Variants in CSMD3 observed in about 807,000 individuals in gnomAD.
CSMD3 encodes the protein CUB and Sushi multiple domains 3, also known as CUB and sushi domain-containing protein 3.
In CSMD3, 177 loss-of-function variants were observed where a neutral mutation model predicts 435.2. That is an observed-to-expected ratio of 0.41 (90% CI 0.36 to 0.46). The LOEUF is 0.46. CSMD3 is among the 20% of genes least tolerant of loss of function. The probability of loss-of-function intolerance (pLI) is 0.34; values close to 1 mark genes in which losing one functional copy is unlikely to be tolerated. For missense variants in CSMD3, 4,265 were observed against 4,504.6 expected, an observed-to-expected ratio of 0.95 and a Z score of 1.52; for synonymous variants, 1,656 against 1,520.5, an observed-to-expected ratio of 1.09 and a Z score of -2.07.
intron 31 of CSMD3, among the ~76,000 whole-genome samples, chr8:112,483,977 T>G (rs1474159422): frequency 1.3e-5 from 2 of 152,196 alleles, no homozygotes; most frequent in Non-Finnish European, 2.9e-5. Flanking sequence ...TTGAGGTCAC[T>G]GCCTGGCTGT....
intron 3 of CSMD3, among the ~76,000 whole-genome samples, chr8:113,179,195 TTGA>T (rs1345146813): frequency 1.3e-5 from 2 of 151,676 alleles, no homozygotes; most frequent in Non-Finnish European, 2.9e-5. Context: ...TATAAGACTG[TTGA>T]TATTATTACA....
Position 112,556,770 on chromosome 8 carries a change from G to A in CSMD3, c.4227C>T (p.Ser1409=), listed in dbSNP as rs1828156388. 1 of 1,608,166 alleles carries A rather than the reference G, an allele frequency of 6.2e-7. No individual in the cohort carries two copies. The highest frequency in any genetic ancestry group is 8.5e-7 in the Non-Finnish European group (1 of 1,175,124). The change falls in exon 25 of 71, where the codon TCC becomes TCT. Residue 1409 remains serine, a synonymous_variant. Coordinates refer to ENST00000297405, the MANE Select transcript of CSMD3 (RefSeq NM_198123.2). ...TCTATGACAGTATCCTACCAATACA[G>A]GAAGGCAGAGGATAGTCCCATGCCC... ...ERRAWDYPLP[S]CIAECGGRFK...
chr8:112,547,924 G>A (rs920140960), intron 27 of CSMD3, among the ~76,000 whole-genome samples: 3 of 152,042 alleles, frequency 2.0e-5, no homozygotes, highest in Non-Finnish European at 2.9e-5. Flanking sequence ...ATGAATTAGC[G>A]GATGAACATA....
chr8:112,697,218 C>T (rs112950989), intron 13 of CSMD3, among the ~76,000 whole-genome samples: 3,216 of 151,906 alleles, frequency 0.021, 74 homozygotes, highest in African/African-American at 0.073. Context: ...CCAGCCATCC[C>T]ATTACTGGGT....
intron 5 of CSMD3, among the ~76,000 whole-genome samples, chr8:113,084,012 G>T (rs901480079): frequency 6.6e-6 from 1 of 152,028 alleles, no homozygotes; most frequent in Non-Finnish European, 1.5e-5. Context: ...AAAATAAAAT[G>T]ATATAGACTG....
In CSMD3 at chr8:112,908,868, C is replaced by A. The variant is rs1015105754; in HGVS notation, c.1633+12759G>T. On this transcript the variant is annotated intron_variant, in intron 10 of 70. Coordinates refer to ENST00000297405, the MANE Select transcript of CSMD3 (RefSeq NM_198123.2). ...ACTCTTAAACAGGCAGGAAAAATAA[C>A]CTGTGTCCTCCTTGCATAATTTAGA... Among the ~76,000 whole-genome samples the A allele has an allele frequency of 4.6e-5, 7 of 151,360 alleles. No homozygotes were observed. The South Asian group carries it at 6.2e-4, about 13-fold the overall frequency.
intron 17 of CSMD3, among the ~76,000 whole-genome samples, chr8:112,661,325 T>C: frequency 6.6e-6 from 1 of 152,118 alleles, no homozygotes; most frequent in Middle Eastern, 3.2e-3. Flanking sequence ...GTGAATTCAT[T>C]TGGAGAATTC....
chr8:112,602,498 G>T (rs535853642), intron 22 of CSMD3, among the ~76,000 whole-genome samples: 2 of 151,222 alleles, frequency 1.3e-5, no homozygotes, highest in Non-Finnish European at 2.9e-5. Flanking sequence ...CCCAGGAGGC[G>T]GAGGTTGCCG....
chr8:112,541,156 A>G (rs1198077497), intron 27 of CSMD3, among the ~76,000 whole-genome samples: 1 of 151,982 alleles, frequency 6.6e-6, no homozygotes, highest in Non-Finnish European at 1.5e-5. Flanking sequence ...TAAGAAGTTC[A>G]TAGCAATAAA....
At chr8:112,847,073 G>A (rs1014422222) in intron 11 of CSMD3, among the ~76,000 whole-genome samples, 1 of 152,162 alleles carries the variant, frequency 6.6e-6, no homozygotes, top group African/African-American at 2.4e-5. Flanking sequence ...TCTGAATCAT[G>A]CTTTGTTAAG....
At chr8:113,360,740 A>AT (rs1239436530) in intron 1 of CSMD3, among the ~76,000 whole-genome samples, 32 of 151,372 alleles carry the variant, frequency 2.1e-4, no homozygotes, top group African/African-American at 7.8e-4. Context: ...CGCCCGGCTA[A>AT]TTTTTTGTAT....
chr8:112,587,945 A>C (rs1240796526), intron 22 of CSMD3, among the ~76,000 whole-genome samples: 1 of 151,862 alleles, frequency 6.6e-6, no homozygotes, highest in East Asian at 1.9e-4. Flanking sequence ...CTGTCTAAAC[A>C]TTTAGGAAAA....
At chr8:112,414,119 T>C (rs989924211) in intron 32 of CSMD3, among the ~76,000 whole-genome samples, 15 of 152,200 alleles carry the variant, frequency 9.9e-5, no homozygotes, top group African/African-American at 3.1e-4. Flanking sequence ...CTTGCTATAT[T>C]TGAAGTTGGC....
Position 112,228,890 on chromosome 8 carries a change from T to C in CSMD3, c.10830A>G (p.Gly3610=), listed in dbSNP as rs144337912. The C allele has an allele frequency of 2.7e-6, 4 of 1,466,210 alleles. No homozygotes were observed. The Admixed American group carries it at 5.0e-5, about 18-fold the overall frequency. 90.8% of individuals were successfully genotyped at this position (1,466,210 alleles called of 1,614,324 possible). Residue 3610 remains glycine (G), a splice_region_variant and synonymous_variant, in exon 70 of 71, where the codon GGA becomes GGG. Coordinates refer to ENST00000297405, the MANE Select transcript of CSMD3 (RefSeq NM_198123.2). ...AATTTGAACCTTCTGACATATTCAG[T>C]CCTACAAAATAAAAAATAAATTATA... ...DYGQFGLQRL[G]LNMSEGSNSS... is the part of the protein sequence containing the mutation.
At position 112,291,682 on chromosome 8, in the gene CSMD3, A is replaced by G. The variant is rs771434813; in HGVS notation, c.8802T>C (p.Ser2934=). 17 of 1,611,828 alleles carry G rather than the reference A, an allele frequency of 1.1e-5. No individual in the cohort carries two copies. The highest frequency in any genetic ancestry group is 2.2e-5 in the South Asian group (2 of 91,048). The part of the protein sequence containing the change: ...PPPMCKVVNC[S]DPGIPANSKR... ...TAGAATTGGCTGGAATTCCAGGATC[A>G]GAACAGTTGACCACTAAACAAATGA... The change falls in exon 56 of 71, where the codon TCT becomes TCC. Residue 2934 remains serine, a synonymous_variant. Transcript: ENST00000297405.
chr8:113,227,257 G>A (rs1054074367), intron 3 of CSMD3, among the ~76,000 whole-genome samples: 27 of 151,486 alleles, frequency 1.8e-4, no homozygotes, highest in African/African-American at 6.5e-4. Flanking sequence ...GTAAAATAAT[G>A]TTAATAGCAA....
chr8:112,352,369 C>A (rs2131061766), intron 39 of CSMD3, 47 bp downstream of exon 39: 1 of 1,609,498 alleles, frequency 6.2e-7, no homozygotes, highest in South Asian at 1.1e-5. Context: ...GTAAAATATT[C>A]TGAAAGGGCC....
chr8:112,845,077 T>A (rs1043835929), intron 11 of CSMD3, among the ~76,000 whole-genome samples: 12 of 152,154 alleles, frequency 7.9e-5, no homozygotes, highest in Middle Eastern at 3.4e-3. Context: ...ATATTTTGCC[T>A]ACTTTGTTGG....
At chr8:112,350,036 T>A (rs1286780516) in intron 40 of CSMD3, among the ~76,000 whole-genome samples, 2 of 151,990 alleles carry the variant, frequency 1.3e-5, no homozygotes, top group African/African-American at 4.8e-5. Flanking sequence ...ACCAGGAGCG[T>A]GGGTGCACAA....
Sources: gnomAD v4.1 joint callset for allele counts (sites outside exome capture counted in the v4.1 genomes callset) on GRCh38, gnomAD v4.1.1 for gene constraint, MANE v1.5 for transcripts, NCBI Gene and HGNC (gene_info 2026-07-23, HGNC 2026-07-21) for gene names.